PRKCA: variants seen among roughly 807,000 people sequenced by gnomAD.
PRKCA encodes protein kinase C alpha, also known as protein kinase C alpha type.
Under a neutral mutation model 87.0 loss-of-function variants are expected in PRKCA, and 27 were observed. The ratio of observed to expected loss-of-function variants is 0.31; its 90% CI spans 0.23 to 0.43. The LOEUF is 0.43. Among genes scored for constraint, PRKCA ranks in the 20% least tolerant of loss-of-function variants. The probability of loss-of-function intolerance (pLI) is 1.00; values close to 1 mark genes in which losing one functional copy is unlikely to be tolerated. For missense variants in PRKCA, 518 were observed against 852.3 expected (o/e 0.61, Z 4.88); for synonymous variants, 329 against 311.1 (o/e 1.06, Z -0.61).
intron 5 of PRKCA, among the ~76,000 whole-genome samples, chr17:66,652,624 G>A (rs145869454): frequency 2.6e-5 from 4 of 152,238 alleles, no homozygotes; most frequent in East Asian, 3.9e-4. Flanking sequence ...CACCTGTGGC[G>A]GAATAATAGT....
At chr17:66,745,025 C>G (rs1006002169) in intron 13 of PRKCA, among the ~76,000 whole-genome samples, 2 of 152,192 alleles carry the variant, frequency 1.3e-5, no homozygotes, top group African/African-American at 4.8e-5. Flanking sequence ...TTGGATAATC[C>G]AGGATCATCT....
intron 2 of PRKCA, among the ~76,000 whole-genome samples, chr17:66,372,860 C>A (rs752786663): frequency 6.6e-6 from 1 of 152,112 alleles, no homozygotes. Flanking sequence ...AATTCGAGAC[C>A]AGCCTGCCCA....
At chr17:66,339,845 T>C (rs1260890648) in intron 2 of PRKCA, 3 of 152,158 alleles carry the variant, frequency 2.0e-5, no homozygotes, top group Non-Finnish European at 4.4e-5. Context: ...AGGACCAAAA[T>C]GTTTGCATGG....
chr17:66,745,668 G>A (rs1974262320), intron 13 of PRKCA, among the ~76,000 whole-genome samples: 1 of 152,244 alleles, frequency 6.6e-6, no homozygotes, highest in South Asian at 2.1e-4. Flanking sequence ...GCAACGGAGT[G>A]AGACACCGTC....
intron 2 of PRKCA, among the ~76,000 whole-genome samples, chr17:66,425,425 CGG>C (rs1567822594): frequency 1.3e-5 from 2 of 152,102 alleles, no homozygotes; most frequent in African/African-American, 4.8e-5. Context: ...GCCTTCCCCA[CGG>C]TGCTGTGATA....
intron 3 of PRKCA, among the ~76,000 whole-genome samples, chr17:66,515,136 G>A (rs1966924210): frequency 6.6e-6 from 1 of 151,922 alleles, no homozygotes; most frequent in Non-Finnish European, 1.5e-5. Flanking sequence ...TGCGCCTCTA[G>A]TCCCAGCTAC....
intron 13 of PRKCA, among the ~76,000 whole-genome samples, chr17:66,763,779 G>A (rs1035816025): frequency 2.6e-5 from 4 of 152,102 alleles, no homozygotes; most frequent in African/African-American, 7.2e-5. Flanking sequence ...GCACAAAAAT[G>A]AAGAGTGAAA....
intron 2 of PRKCA, among the ~76,000 whole-genome samples, chr17:66,390,049 C>A (rs1490221888): frequency 6.6e-6 from 1 of 152,192 alleles, no homozygotes; most frequent in African/African-American, 2.4e-5. Flanking sequence ...CATGGTGAAA[C>A]CCCGTCTCTA....
At chr17:66,704,470 C>T (rs1034858333) in intron 8 of PRKCA, among the ~76,000 whole-genome samples, 2 of 152,210 alleles carry the variant, frequency 1.3e-5, no homozygotes, top group Non-Finnish European at 2.9e-5. Context: ...CTCAAGCTAG[C>T]TTAACAATGG....
At chr17:66,690,827 C>CAAAAAAAAA (rs34671486) in intron 8 of PRKCA, among the ~76,000 whole-genome samples, 1 of 66,600 alleles carries the variant, frequency 1.5e-5, no homozygotes, top group African/African-American at 6.0e-5. Flanking sequence ...GACTCTGTCT[C>CAAAAAAAAA]AAAAAAAAAA....
rs1016453042 is a variant in PRKCA, at chr17:66,392,242, A to C, written c.205+86115A>C. On this transcript the variant is annotated intron_variant, in intron 2 of 16. Transcript: ENST00000413366. ...AAGACTGTGTCTCAACAACAACAAA[A>C]AAAAAAATGTGGTTACAGAGGACTA... Among the ~76,000 whole-genome samples the C allele has an allele frequency of 2.6e-3, 401 of 152,194 alleles. 2 individuals are homozygous for C. Among genetic ancestry groups the C allele is most frequent in the African/African-American group, 9.3e-3 (386 of 41,538 alleles).
chr17:66,518,094 G>T (rs1186605015), intron 3 of PRKCA, among the ~76,000 whole-genome samples: 6 of 152,150 alleles, frequency 3.9e-5, no homozygotes, highest in Admixed American at 6.5e-5. Flanking sequence ...GTTGTTCCAG[G>T]ATATTTTTAG....
At chr17:66,397,139 T>C (rs1312331344) in intron 2 of PRKCA, among the ~76,000 whole-genome samples, 1 of 151,552 alleles carries the variant, frequency 6.6e-6, no homozygotes, top group African/African-American at 2.4e-5. Flanking sequence ...CTAATTTTTG[T>C]ATTTTTGGTA....
At chr17:66,594,204 G>A (rs1010423250) in intron 3 of PRKCA, among the ~76,000 whole-genome samples, 1 of 152,160 alleles carries the variant, frequency 6.6e-6, no homozygotes, top group Non-Finnish European at 1.5e-5. Flanking sequence ...TATTTCACAG[G>A]GAGATCCAAG....
intron 3 of PRKCA, among the ~76,000 whole-genome samples, chr17:66,613,732 A>G (rs1315869748): frequency 7.0e-6 from 1 of 143,322 alleles, no homozygotes; most frequent in East Asian, 2.1e-4. Context: ...TTGTAAGGAC[A>G]CCAGTCATTG....
At chr17:66,798,463 GGTGGTGGT>G (rs1975742213) in intron 16 of PRKCA, among the ~76,000 whole-genome samples, 1 of 98,972 alleles carries the variant, frequency 1.0e-5, no homozygotes, top group Non-Finnish European at 2.0e-5. Context: ...CGGTGGTGGT[GGTGGTGGT>G]GGTGGTGGTG....
At chr17:66,791,942 A>T (rs909024695) in intron 16 of PRKCA, among the ~76,000 whole-genome samples, 92 of 152,210 alleles carry the variant, frequency 6.0e-4, no homozygotes, top group Admixed American at 1.8e-3. Flanking sequence ...TACAGAGCTG[A>T]GCATTCTCTA....
At chr17:66,721,178 T>C (rs566971656) in intron 8 of PRKCA, among the ~76,000 whole-genome samples, 60 of 152,022 alleles carry the variant, frequency 3.9e-4, no homozygotes, top group Non-Finnish European at 6.6e-4. Flanking sequence ...GGGCGGATCA[T>C]GAGGTCAGGA....
chr17:66,666,502 C>T (rs1024724125), intron 5 of PRKCA, among the ~76,000 whole-genome samples: 1 of 152,166 alleles, frequency 6.6e-6, no homozygotes, highest in African/African-American at 2.4e-5. Flanking sequence ...TCTCAGAACC[C>T]TCTCTCCTTC....
Sources: allele counts gnomAD v4.1 joint callset (sites outside exome capture counted in the v4.1 genomes callset), GRCh38; gene constraint gnomAD v4.1.1; transcripts MANE v1.5; gene names NCBI Gene and HGNC (gene_info 2026-07-23, HGNC 2026-07-21).